ZNF605: variants seen among roughly 807,000 people sequenced by gnomAD.
The protein encoded by ZNF605 is zinc finger protein 605.
In ZNF605, 9 loss-of-function variants were observed where a neutral mutation model predicts 7.9. The observed-to-expected ratio is 1.14, with a 90% CI of 0.68 to 1.98. The LOEUF is 1.98. ZNF605 is among the 30% of genes most tolerant of loss of function. ZNF605 has a pLI of 0.00. For synonymous variants in ZNF605, 255 were observed against 260.1 expected, an observed-to-expected ratio of 0.98 and a Z score of 0.19; for missense variants, 673 against 762.4, an observed-to-expected ratio of 0.88 and a Z score of 1.38.
rs1041600903 is a variant in ZNF605 at position 132,945,554 on chromosome 12, G to A, written c.15+67C>T. 2.6e-5 allele frequency: 16 copies of A among 606,908 alleles called. 1 individual carries two copies. The highest frequency in any genetic ancestry group is 4.6e-5 in the Non-Finnish European group (16 of 346,604). 37.6% of individuals were successfully genotyped at this position (606,908 alleles called of 1,614,324 possible). A position where few individuals can be genotyped will look rare whatever the true frequency, so the allele number is the denominator to read the frequency against. ...GACTGGATCATTTTCATGAAACAGAGGATAAACCGATAACCCACCTGTGAC... is the reference window on the plus strand; with the variant it reads ...GACTGGATCATTTTCATGAAACAGAAGATAAACCGATAACCCACCTGTGAC... On this transcript the variant is annotated intron_variant, in intron 3 of 4. Transcript: ENST00000360187.
intron 3 of ZNF605, among the ~76,000 whole-genome samples, chr12:132,938,290 A>T (rs1446291251): frequency 2.0e-5 from 3 of 149,836 alleles, no homozygotes; most frequent in Admixed American, 2.0e-4. Flanking sequence ...GATCCCATTT[A>T]TTTTTTTATT....
chr12:132,925,712 C>T lies in ZNF605; in HGVS notation c.1587G>A (p.Gly529=), dbSNP rs146633983. 909 of 1,613,894 alleles carry T rather than the reference C, an allele frequency of 5.6e-4. 3 individuals carry two copies. In the African/African-American group the frequency reaches 0.011, roughly 19 times the overall value. ...ATTCACTGCATTCATAGGGTTTCTC[C>T]CCTGTATGAATTCTCTGATGCCTAA... ...QLLRHQRIHT[G]EKPYECSECG... is the part of the protein sequence containing the mutation. The change falls in exon 5 of 5, where the codon GGG becomes GGA. Residue 529 remains glycine, a synonymous_variant. Coordinates refer to ENST00000360187, the MANE Select transcript of ZNF605 (RefSeq NM_183238.4).
At chr12:132,930,995 A>G (rs2137130602) in intron 4 of ZNF605, among the ~76,000 whole-genome samples, 1 of 152,276 alleles carries the variant, frequency 6.6e-6, no homozygotes, top group South Asian at 2.1e-4. Flanking sequence ...AGCCTGGGCA[A>G]CATAGTGAGA....
chr12:132,950,569 C>T (rs1343609331), intron 1 of ZNF605, among the ~76,000 whole-genome samples: 1 of 151,780 alleles, frequency 6.6e-6, no homozygotes, highest in East Asian at 1.9e-4. Flanking sequence ...GTACATCACA[C>T]ACAGACGTGC....
chr12:132,950,876 T>G (rs1952553598), intron 1 of ZNF605, among the ~76,000 whole-genome samples: 3 of 147,298 alleles, frequency 2.0e-5, no homozygotes, highest in Admixed American at 2.0e-4. Context: ...CTGATACAAA[T>G]ACATCACACA....
rs1952176712 is a variant in ZNF605 at position 132,918,422 on chromosome 12, CAG to C, written c.*6949_*6950del. 6.6e-6 allele frequency: 1 copy of C among 152,242 alleles called. No individual in the cohort carries two copies. Among genetic ancestry groups the C allele is most frequent in the Non-Finnish European group, 1.5e-5 (1 of 68,052 alleles). 9.4% of individuals were successfully genotyped at this position (152,242 alleles called of 1,614,324 possible). ...TGCATACAGAGATTTTCTTTTCAAA[CAG>C]AGCACAGAAGGAAGTGTCAGTAACA... is the stretch of plus-strand genomic sequence containing the variant. On this transcript the variant is annotated 3_prime_UTR_variant, in exon 5 of 5. Transcript: ENST00000360187.
intron 4 of ZNF605, among the ~76,000 whole-genome samples, chr12:132,928,670 T>G (rs1410639008): frequency 3.3e-5 from 5 of 152,170 alleles, no homozygotes; most frequent in Non-Finnish European, 7.3e-5. Context: ...GGGGTAATAT[T>G]CTCAGGAAGT....
intron 1 of ZNF605, among the ~76,000 whole-genome samples, chr12:132,948,832 T>C (rs1952524163): frequency 6.6e-6 from 1 of 152,158 alleles, no homozygotes; most frequent in African/African-American, 2.4e-5. Context: ...CGTTCCCAGG[T>C]GACCCCACGC....
intron 1 of ZNF605, among the ~76,000 whole-genome samples, chr12:132,950,418 C>T (rs1377944121): frequency 2.0e-5 from 3 of 152,022 alleles, no homozygotes; most frequent in Non-Finnish European, 2.9e-5. Context: ...CACATGCACA[C>T]GTACAGACAC....
intron 2 of ZNF605, 61 bp downstream of exon 2, chr12:132,948,087 G>T (rs1370521760): frequency 1.3e-5 from 2 of 152,138 alleles, no homozygotes; most frequent in African/African-American, 4.8e-5. Context: ...GACTGACCAA[G>T]ATTTAAAATA....
intron 2 of ZNF605, among the ~76,000 whole-genome samples, chr12:132,947,825 A>G (rs1031167314): frequency 6.7e-6 from 1 of 149,380 alleles, no homozygotes; most frequent in African/African-American, 2.5e-5. Context: ...GCTGGAGTGC[A>G]GTGGCGTGAT....
At chr12:132,953,057 C>T (rs1357435236) in intron 1 of ZNF605, among the ~76,000 whole-genome samples, 1 of 152,130 alleles carries the variant, frequency 6.6e-6, no homozygotes, top group Non-Finnish European at 1.5e-5. Context: ...TCACAGTGAC[C>T]ACCTGAGAAT....
rs1168811516 is a variant in ZNF605, at chr12:132,924,384, ATTGTTC to A, written c.*983_*988del. 6.6e-6 allele frequency: 1 copy of A among 152,204 alleles called. No homozygotes were observed. The highest frequency in any genetic ancestry group is 1.5e-5 in the Non-Finnish European group (1 of 68,066). 9.4% of individuals were successfully genotyped at this position (152,204 alleles called of 1,614,324 possible). A position where few individuals can be genotyped will look rare whatever the true frequency, so the allele number is the denominator to read the frequency against. On this transcript the variant is annotated 3_prime_UTR_variant, in exon 5 of 5. Coordinates refer to ENST00000360187, the MANE Select transcript of ZNF605 (RefSeq NM_183238.4). ...TCCCAGCCCTGCATGAGTTCCAGGAATTGTTCAGCCTGCTGCTTTCCAGTGCTTCTT... is the reference window on the plus strand; with the variant it reads ...TCCCAGCCCTGCATGAGTTCCAGGAAAGCCTGCTGCTTTCCAGTGCTTCTT...
At chr12:132,934,703 TAAA>T (rs1287567047) in intron 3 of ZNF605, among the ~76,000 whole-genome samples, 1 of 25,504 alleles carries the variant, frequency 3.9e-5, no homozygotes, top group African/African-American at 7.9e-5. Flanking sequence ...AGATTCCGTC[TAAA>T]AAAAAAAAAA....
intron 4 of ZNF605, among the ~76,000 whole-genome samples, chr12:132,931,765 G>T (rs934921522): frequency 6.6e-6 from 1 of 152,188 alleles, no homozygotes; most frequent in Non-Finnish European, 1.5e-5. Flanking sequence ...GCAGGTAATG[G>T]AGACTTAAAC....
chr12:132,942,595 C>T (rs997851285), intron 3 of ZNF605, among the ~76,000 whole-genome samples: 17 of 152,360 alleles, frequency 1.1e-4, no homozygotes, highest in East Asian at 1.9e-4. Flanking sequence ...CCCTGTTAAC[C>T]TCACAACCTG....
rs112402378 is a variant in ZNF605, at chr12:132,927,039, T to C, written c.260A>G (p.His87Arg). 32 of 1,608,610 alleles carry C rather than the reference T, an allele frequency of 2.0e-5. No homozygotes were observed. The Admixed American group carries it at 4.8e-4, about 24-fold the overall frequency. ...KIFNSSINIV[H>R]VGLRSHKCGT... is the part of the protein sequence containing the mutation. ...ACATTTATGGGATCGCAGTCCTACATGAACAATGTTTATGCTTGAATTAAA... is the reference window on the plus strand; with the variant it reads ...ACATTTATGGGATCGCAGTCCTACACGAACAATGTTTATGCTTGAATTAAA... The change falls in exon 5 of 5, where the codon CAT (histidine) becomes CGT (arginine). Residue 87 changes from histidine to arginine, a missense_variant. By Grantham distance (29) the His-to-Arg change is conservative. Transcript: ENST00000360187.
chr12:132,925,608 C>T lies in ZNF605; in HGVS notation c.1691G>A (p.Ser564Asn). The T allele has an allele frequency of 6.2e-7, 1 of 1,614,170 alleles. No homozygotes were observed. ...NHTGEKTYGC[S>N]DCAKAFFEKA... ...CTCAAAGAAAGCTTTTGCACAATCG[C>T]TGCATCCATAGGTTTTCTCTCCTGT... is the stretch of plus-strand genomic sequence containing the variant. The change falls in exon 5 of 5, where the codon AGC becomes AAC. Residue 564 changes from serine to asparagine, a missense_variant. Transcript: ENST00000360187.
intron 3 of ZNF605, among the ~76,000 whole-genome samples, chr12:132,936,000 G>A (rs1952361823): frequency 6.6e-6 from 1 of 151,720 alleles, no homozygotes; most frequent in Non-Finnish European, 1.5e-5. Context: ...GGTGGAGCTT[G>A]CAGTGAGCCG....
Sources: allele counts gnomAD v4.1 joint callset (sites outside exome capture counted in the v4.1 genomes callset), GRCh38; gene constraint gnomAD v4.1.1; transcripts MANE v1.5; gene names NCBI Gene and HGNC (gene_info 2026-07-23, HGNC 2026-07-21).